The following GOLGA1 variants were observed in gnomAD, a reference collection of about 807,000 sequenced individuals.
GOLGA1 encodes golgin A1, also known as golgin subfamily A member 1.
GOLGA1 carries 63 observed loss-of-function variants against 119.7 expected under a neutral mutation model. The observed-to-expected ratio is 0.53, with a 90% CI of 0.43 to 0.65. The LOEUF (loss-of-function observed/expected upper bound fraction) is 0.65, where lower values mean the gene tolerates loss of function less well. GOLGA1 is among the 30% of genes least tolerant of loss of function. The pLI is 0.00. For synonymous variants in GOLGA1, 318 were observed against 333.4 expected, an observed-to-expected ratio of 0.95 and a Z score of 0.50; for missense variants, 798 against 912.8, an observed-to-expected ratio of 0.87 and a Z score of 1.62.
intron 4 of GOLGA1, 118 bp from the exon 5 acceptor site, chr9:124,929,408 G>C: frequency 1.4e-6 from 1 of 712,228 alleles, no homozygotes; most frequent in Non-Finnish European, 2.6e-6. Context: ...AACCATTCCT[G>C]TTAAGGAAAG....
At chr9:124,930,901 A>G (rs1321762699) in intron 4 of GOLGA1, among the ~76,000 whole-genome samples, 1 of 152,216 alleles carries the variant, frequency 6.6e-6, no homozygotes, top group Admixed American at 6.5e-5. Flanking sequence ...ACACTTACAC[A>G]GGTGGTATGA....
At chr9:124,932,221 C>A (rs1830782279) in intron 3 of GOLGA1, among the ~76,000 whole-genome samples, 1 of 152,190 alleles carries the variant, frequency 6.6e-6, no homozygotes. Context: ...AAAATTAAGG[C>A]TATTTCTCTT....
At chr9:124,916,164 A>T (rs908681881) in intron 10 of GOLGA1, among the ~76,000 whole-genome samples, 5 of 151,252 alleles carry the variant, frequency 3.3e-5, no homozygotes, top group African/African-American at 1.2e-4. Flanking sequence ...AAAAAAAAAA[A>T]GTAAGGTGAA....
In GOLGA1 at chr9:124,898,537, TTAGA is replaced by T. The variant is rs759057082; in HGVS notation, c.1407+8_1407+11del. The T allele has an allele frequency of 5.8e-5, 83 of 1,427,528 alleles. No individual in the cohort carries two copies. The highest frequency in any genetic ancestry group is 5.3e-4 in the Middle Eastern group (3 of 5,684). The allele number at this position is 1,427,528 out of a possible 1,614,324, so 88.4% of individuals were successfully genotyped here. ...ACACTTTTATGAAACTTTGATTCAA[TTAGA>T]TAAATACCTTCAGCTTCTTTAGTTC... On this transcript the variant is annotated splice_region_variant and intron_variant, in intron 15 of 22. Transcript: ENST00000373555.
intron 19 of GOLGA1, among the ~76,000 whole-genome samples, chr9:124,887,943 A>G (rs557324347): frequency 6.6e-6 from 1 of 152,354 alleles, no homozygotes; most frequent in South Asian, 2.1e-4. Flanking sequence ...AGTATAGACG[A>G]AAGAGGACTG....
At chr9:124,899,276 C>T (rs1397179318) in intron 14 of GOLGA1, 53 bp downstream of exon 14, 6 of 1,488,712 alleles carry the variant, frequency 4.0e-6, no homozygotes, top group Non-Finnish European at 5.4e-6. Context: ...GCTGACTTCG[C>T]TGTGGGGGAC....
At chr9:124,907,562 G>C (rs1156408333) in intron 12 of GOLGA1, among the ~76,000 whole-genome samples, 1 of 152,110 alleles carries the variant, frequency 6.6e-6, no homozygotes, top group Non-Finnish European at 1.5e-5. Flanking sequence ...AACTGATAAA[G>C]CATTAGGAAC....
intron 11 of GOLGA1, among the ~76,000 whole-genome samples, chr9:124,910,034 A>G (rs1017434227): frequency 2.6e-5 from 4 of 152,124 alleles, no homozygotes; most frequent in Admixed American, 6.6e-5. Flanking sequence ...GGTTCAAGCA[A>G]TTCTCCTCCC....
chr9:124,936,562 T>C (rs1408138400), intron 3 of GOLGA1, among the ~76,000 whole-genome samples: 1 of 148,834 alleles, frequency 6.7e-6, no homozygotes, highest in Admixed American at 6.8e-5. Context: ...TGCCTCTGCC[T>C]CCCAAGAAGC....
chr9:124,881,157 C>G lies in GOLGA1; in HGVS notation c.2223+14G>C, dbSNP rs1393863772. Reference sequence around the variant, plus strand: ...GTATCTTGGAAGCTGGAACAGTAGACCAGAGAACCCTACCTTATATTCCAG... The same window carrying G: ...GTATCTTGGAAGCTGGAACAGTAGAGCAGAGAACCCTACCTTATATTCCAG... On this transcript the variant is annotated intron_variant, in intron 22 of 22. Coordinates refer to ENST00000373555, the MANE Select transcript of GOLGA1 (RefSeq NM_002077.4). The surrounding 1 kb of genome is among the most constrained non-coding windows in gnomAD (Gnocchi z 4.9). The G allele has an allele frequency of 7.3e-7, 1 of 1,371,978 alleles. No individual in the cohort carries two copies. The highest frequency in any genetic ancestry group is 1.0e-6 in the Non-Finnish European group (1 of 957,712). The allele number at this position is 1,371,978 out of a possible 1,614,324, so 85.0% of individuals were successfully genotyped here.
In GOLGA1 at chr9:124,889,481, GT is replaced by G; in HGVS notation, c.1552del (p.Thr518ProfsTer35). 6.2e-7 allele frequency: 1 copy of G among 1,613,994 alleles called. No homozygotes were observed. Among genetic ancestry groups the G allele is most frequent in the Non-Finnish European group, 8.5e-7 (1 of 1,179,842 alleles). ...CTGCTCTTTCTGGAGAAGCACTTCG[GT>G]TTTTTCCCGCAGATTCTGTTCCTTC... ...DEKEQNLREK[T>X]EVLLQKEQEI... On this transcript the variant is annotated frameshift_variant, in exon 17 of 23. Coordinates refer to ENST00000373555, the MANE Select transcript of GOLGA1 (RefSeq NM_002077.4). LOFTEE classifies it high-confidence loss of function.
intron 12 of GOLGA1, 135 bp from the exon 13 acceptor site, chr9:124,900,682 A>AT: frequency 1.9e-6 from 1 of 527,254 alleles, no homozygotes; most frequent in African/African-American, 1.9e-5. Flanking sequence ...AAGATACTGC[A>AT]TAAGTCTACC....
intron 16 of GOLGA1, 55 bp downstream of exon 16, chr9:124,890,334 T>A: frequency 8.4e-7 from 1 of 1,196,462 alleles, no homozygotes; most frequent in Non-Finnish European, 1.3e-6. Flanking sequence ...AGGATGGGCC[T>A]GCTGCCTGTG....
chr9:124,909,608 CAA>C (rs58372596), intron 11 of GOLGA1, among the ~76,000 whole-genome samples: 1,273 of 87,270 alleles, frequency 0.015, 12 homozygotes, highest in African/African-American at 0.046. Context: ...GACTCCGTCT[CAA>C]AAAAAAAAAA....
intron 15 of GOLGA1, among the ~76,000 whole-genome samples, chr9:124,897,202 T>G (rs1830002904): frequency 6.6e-6 from 1 of 152,180 alleles, no homozygotes; most frequent in Admixed American, 6.6e-5. Context: ...ACCTCTCCTC[T>G]CCCACCTCCC....
intron 9 of GOLGA1, 106 bp from the exon 10 acceptor site, chr9:124,921,346 C>A (rs1767831949): frequency 1.4e-6 from 1 of 724,306 alleles, no homozygotes; most frequent in Non-Finnish European, 2.4e-6. Context: ...GGGCTACAAG[C>A]ATCATTAGCC....
intron 15 of GOLGA1, among the ~76,000 whole-genome samples, chr9:124,895,208 C>G (rs918894549): frequency 2.0e-5 from 3 of 149,482 alleles, no homozygotes; most frequent in South Asian, 2.1e-4. Flanking sequence ...CCATCCACAA[C>G]AGAGAACCAT....
chr9:124,888,393 T>C lies in GOLGA1; in HGVS notation c.1765A>G (p.Thr589Ala). 4 of 1,613,784 alleles carry C rather than the reference T, an allele frequency of 2.5e-6. No homozygotes were observed. Among genetic ancestry groups the C allele is most frequent in the Non-Finnish European group, 3.4e-6 (4 of 1,179,758 alleles). ...ACAGGGTCCTGCATGGCCCTCGAGG[T>C]CACCTACAAGGTGGCAGCAGCAAAT... The part of the protein sequence containing the change: ...EALSVNESHV[T>A]SRAMQDPVFQ... Residue 589 changes from threonine (T) to alanine (A), a missense_variant, in exon 19 of 23, where the codon ACC (threonine) becomes GCC (alanine). By Grantham distance (58) the Thr-to-Ala change is moderately conservative. Transcript: ENST00000373555. The surrounding 1 kb of genome is among the most constrained non-coding windows in gnomAD (Gnocchi z 4.4).
In GOLGA1 at chr9:124,882,319, G is replaced by A. The variant is rs577219451; in HGVS notation, c.1965+191C>T. On this transcript the variant is annotated intron_variant, in intron 20 of 22. Transcript: ENST00000373555. ...AAGGCAGGAACAGGGCTGTAGCCAC[G>A]GAGCTGCTTCAGAGGTGCATGCAGG... Among the ~76,000 whole-genome samples, 13 of 152,314 alleles carry A rather than the reference G, an allele frequency of 8.5e-5. No individual in the cohort carries two copies. The South Asian group carries it at 2.1e-3, about 24-fold the overall frequency.
Sources: allele counts gnomAD v4.1 joint callset (sites outside exome capture counted in the v4.1 genomes callset), GRCh38; gene constraint gnomAD v4.1.1; non-coding constraint Gnocchi (gnomAD v3.1); transcripts MANE v1.5; gene names NCBI Gene and HGNC (gene_info 2026-07-23, HGNC 2026-07-21).